The following NFAT5 variants were observed in gnomAD, a reference collection of about 807,000 sequenced individuals.
NFAT5 encodes the protein nuclear factor of activated T-cells 5.
A neutral mutation model predicts 166.5 loss-of-function variants in NFAT5; 31 were observed. The observed-to-expected ratio is 0.19, with a 90% CI of 0.14 to 0.25. NFAT5 has a LOEUF of 0.25. NFAT5 is among the 10% of genes least tolerant of loss of function. NFAT5 has a pLI of 1.00. For synonymous variants in NFAT5, 612 were observed against 639.7 expected (o/e 0.96, Z 0.65); for missense variants, 1,449 against 1,821.8 (o/e 0.80, Z 3.72).
chr16:69,627,893 C>T (rs940401057), intron 3 of NFAT5, among the ~76,000 whole-genome samples: 1 of 151,996 alleles, frequency 6.6e-6, no homozygotes, highest in Non-Finnish European at 1.5e-5. Context: ...AAATTGCATC[C>T]AATAATAAAA....
intron 2 of NFAT5, among the ~76,000 whole-genome samples, chr16:69,600,960 G>T (rs1019969109): frequency 2.6e-5 from 4 of 152,062 alleles, no homozygotes; most frequent in Non-Finnish European, 5.9e-5. Flanking sequence ...TGGGGATGGG[G>T]TAAAGGAATT....
chr16:69,568,391 T>C lies in NFAT5; in HGVS notation c.74-104T>C, dbSNP rs558451767. 1,300 of 513,272 alleles carry C rather than the reference T, an allele frequency of 2.5e-3. 12 individuals carry two copies. Among genetic ancestry groups the C allele is most frequent in the Non-Finnish European group, 3.6e-3 (1,024 of 283,990 alleles). 31.8% of individuals were successfully genotyped at this position (513,272 alleles called of 1,614,324 possible). A position where few individuals can be genotyped will look rare whatever the true frequency, so the allele number is the denominator to read the frequency against. Reference sequence around the variant, plus strand: ...GTGTGTGTGTGTATATATATATATATATACACACACACACATTGCAGTTAT... The same window carrying C: ...GTGTGTGTGTGTATATATATATATACATACACACACACACATTGCAGTTAT... On this transcript the variant is annotated intron_variant, in intron 1 of 14. Transcript: ENST00000349945.
At chr16:69,644,755 C>A in intron 3 of NFAT5, 1 of 419,858 alleles carries the variant, frequency 2.4e-6, no homozygotes, top group Non-Finnish European at 4.7e-6. Context: ...CTTTTGGGTT[C>A]ATGATTGCTT....
At chr16:69,678,071 T>G (rs912027895) in intron 10 of NFAT5, among the ~76,000 whole-genome samples, 2 of 151,244 alleles carry the variant, frequency 1.3e-5, no homozygotes, top group African/African-American at 4.9e-5. Flanking sequence ...GGAAGGAGAA[T>G]TGCCTGAACC....
intron 2 of NFAT5, among the ~76,000 whole-genome samples, chr16:69,605,832 G>A (rs1488869183): frequency 1.3e-5 from 2 of 151,958 alleles, no homozygotes; most frequent in African/African-American, 4.8e-5. Context: ...TCCTGCCTCA[G>A]CCTCCCAAGT....
In NFAT5 at chr16:69,622,825, T is replaced by C. The variant is rs1299577876; in HGVS notation, c.128-3578T>C. On this transcript the variant is annotated intron_variant, in intron 2 of 14. Transcript: ENST00000349945. ...ATCTGTTTCTTTCAAATTTCCTTTT[T>C]GTTTGGGAAAAAAAAAAAAAAGAAA... 4.3e-5 allele frequency among the ~76,000 whole-genome samples: 3 copies of C among 69,098 alleles called. No homozygotes were observed. The East Asian group carries it at 1.3e-3, about 29-fold the overall frequency. The allele number at this position is 69,098 out of a possible 152,430, so 45.3% of individuals were successfully genotyped here. A position where few individuals can be genotyped will look rare whatever the true frequency, so the allele number is the denominator to read the frequency against.
At chr16:69,598,361 G>C (rs1310044142) in intron 2 of NFAT5, among the ~76,000 whole-genome samples, 1 of 142,274 alleles carries the variant, frequency 7.0e-6, no homozygotes, top group Non-Finnish European at 1.5e-5. Context: ...CTGGGTGACA[G>C]AGCGAGACCC....
chr16:69,642,239 T>C (rs1280026933), intron 3 of NFAT5, among the ~76,000 whole-genome samples: 1 of 152,224 alleles, frequency 6.6e-6, no homozygotes, highest in Non-Finnish European at 1.5e-5. Context: ...TATTTTTGAG[T>C]ATTTATAGTT....
At chr16:69,597,816 G>T (rs2151535633) in intron 2 of NFAT5, among the ~76,000 whole-genome samples, 1 of 151,994 alleles carries the variant, frequency 6.6e-6, no homozygotes, top group South Asian at 2.1e-4. Context: ...GATGGTCTCG[G>T]TCTCCTGACC....
intron 2 of NFAT5, among the ~76,000 whole-genome samples, chr16:69,596,691 C>T (rs1046362157): frequency 1.3e-5 from 2 of 149,624 alleles, no homozygotes; most frequent in Non-Finnish European, 3.0e-5. Context: ...GCACTCTAGC[C>T]TGGGCGACAG....
intron 5 of NFAT5, among the ~76,000 whole-genome samples, chr16:69,655,217 G>A (rs920191): frequency 0.37 from 55,474 of 151,870 alleles, 11,114 homozygotes; most frequent in African/African-American, 0.53. Context: ...TGGTATATGT[G>A]CTCTCATTTG....
chr16:69,658,738 A>T (rs902796178), intron 6 of NFAT5, among the ~76,000 whole-genome samples: 2 of 152,128 alleles, frequency 1.3e-5, no homozygotes, highest in African/African-American at 4.8e-5. Flanking sequence ...GAGGCATGAG[A>T]ATTACCTGAA....
chr16:69,674,241 C>CAAA (rs59975972), intron 9 of NFAT5, among the ~76,000 whole-genome samples: 6,145 of 71,120 alleles, frequency 0.086, 164 homozygotes, highest in Middle Eastern at 0.15. Context: ...GAAACTGTCT[C>CAAA]AAAAAAAAAA....
At chr16:69,609,819 G>GAAAAA (rs1157655325) in intron 2 of NFAT5, among the ~76,000 whole-genome samples, 6 of 75,306 alleles carry the variant, frequency 8.0e-5, no homozygotes, top group East Asian at 3.8e-4. Flanking sequence ...TGTCTCTACT[G>GAAAAA]AAAAAAAAAA....
At chr16:69,675,723 T>C (rs1057422885) in intron 9 of NFAT5, among the ~76,000 whole-genome samples, 1 of 152,142 alleles carries the variant, frequency 6.6e-6, no homozygotes, top group African/African-American at 2.4e-5. Context: ...CACCTCAACC[T>C]CCGCCCCCCG....
At chr16:69,588,234 G>A (rs57935202) in intron 2 of NFAT5, among the ~76,000 whole-genome samples, 24 of 152,242 alleles carry the variant, frequency 1.6e-4, no homozygotes, top group Non-Finnish European at 1.5e-4. Context: ...ACAGGCCTGA[G>A]CCTCTGCACC....
At chr16:69,677,449 A>G in intron 10 of NFAT5, 114 bp downstream of exon 10, 2 of 804,536 alleles carry the variant, frequency 2.5e-6, no homozygotes, top group Non-Finnish European at 3.7e-6. Context: ...AGATGAATTG[A>G]TGTTAGTTTC....
At chr16:69,614,878 CT>C (rs55841097) in intron 2 of NFAT5, among the ~76,000 whole-genome samples, 34 of 130,954 alleles carry the variant, frequency 2.6e-4, no homozygotes, top group Non-Finnish European at 3.3e-4. Context: ...TTTCTTTTTC[CT>C]TTTTTTTTTT....
At chr16:69,592,872 G>A (rs1002876086) in intron 2 of NFAT5, among the ~76,000 whole-genome samples, 21 of 152,164 alleles carry the variant, frequency 1.4e-4, no homozygotes, top group Admixed American at 1.2e-3. Context: ...ATTCTTGGGA[G>A]TTTGAAGTTG....
Sources: gnomAD v4.1 joint callset for allele counts (sites outside exome capture counted in the v4.1 genomes callset) on GRCh38, gnomAD v4.1.1 for gene constraint, MANE v1.5 for transcripts, NCBI Gene and HGNC (gene_info 2026-07-23, HGNC 2026-07-21) for gene names.